GBE1: variants seen among roughly 807,000 people sequenced by gnomAD.
GBE1 encodes the protein 1,4-alpha-glucan-branching enzyme.
Under a neutral mutation model 88.8 loss-of-function variants are expected in GBE1, and 70 were observed. The observed-to-expected ratio is 0.79, with a 90% CI of 0.65 to 0.96. The LOEUF (loss-of-function observed/expected upper bound fraction) is 0.96, where lower values mean the gene tolerates loss of function less well. Ranked by LOEUF, GBE1 falls within the 40% of genes least tolerant of loss-of-function variation. The pLI is 0.00. For synonymous variants in GBE1, 284 were observed against 300.1 expected (o/e 0.95, Z 0.56); for missense variants, 872 against 871.0 (o/e 1.00, Z -0.01).
intron 11 of GBE1, among the ~76,000 whole-genome samples, chr3:81,578,364 T>C (rs913817970): frequency 1.3e-5 from 2 of 152,090 alleles, no homozygotes; most frequent in African/African-American, 4.8e-5. Context: ...ATAAGGTACC[T>C]GAATATCTGT....
chr3:81,547,635 CTCTCTCTCTCT>C (rs1307015641), intron 12 of GBE1, among the ~76,000 whole-genome samples: 2 of 76,638 alleles, frequency 2.6e-5, no homozygotes, highest in African/African-American at 1.2e-4. Context: ...TTCTCTCTCT[CTCTCTCTCTCT>C]CTCTCTCTCT....
Position 81,591,140 on chromosome 3 carries a change from C to A in GBE1, c.1133G>T (p.Ser378Ile), listed in dbSNP as rs938955105. The change falls in exon 9 of 16, where the codon AGT (serine) becomes ATT (isoleucine). Residue 378 changes from serine (S) to isoleucine (I), a missense_variant. Ser to Ile is a moderately radical substitution (Grantham distance 142). Coordinates refer to ENST00000429644, the MANE Select transcript of GBE1 (RefSeq NM_000158.4). ...GVGQGFSGDY[S>I]EYFGLQVDED... The stretch of plus-strand genomic sequence containing the variant: ...ATCTACTTGTAGTCCGAAATATTCA[C>A]TGTAATCACCTGAGAAACCTTGACC... The A allele has an allele frequency of 9.4e-6, 15 of 1,603,776 alleles. No individual in the cohort carries two copies. The highest frequency in any genetic ancestry group is 1.3e-5 in the Non-Finnish European group (15 of 1,174,332).
At chr3:81,678,255 A>C (rs1705290672) in intron 2 of GBE1, among the ~76,000 whole-genome samples, 1 of 152,184 alleles carries the variant, frequency 6.6e-6, no homozygotes, top group Non-Finnish European at 1.5e-5. Flanking sequence ...CTAAACATTA[A>C]AAAGGTGAAG....
chr3:81,564,818 T>C (rs951002762), intron 12 of GBE1, among the ~76,000 whole-genome samples: 5 of 152,164 alleles, frequency 3.3e-5, no homozygotes, highest in Admixed American at 6.6e-5. Flanking sequence ...TCTGTCTCTC[T>C]CAATCTTCAT....
intron 2 of GBE1, among the ~76,000 whole-genome samples, chr3:81,701,943 C>T (rs950253853): frequency 6.7e-6 from 1 of 148,494 alleles, no homozygotes; most frequent in Non-Finnish European, 1.5e-5. Context: ...TTTGATTATT[C>T]TAAGTACCTG....
At chr3:81,630,290 C>T (rs548104328) in intron 7 of GBE1, among the ~76,000 whole-genome samples, 90 of 152,238 alleles carry the variant, frequency 5.9e-4, no homozygotes, top group Non-Finnish European at 1.1e-3. Flanking sequence ...AATGGAAGAA[C>T]ATTCCATGCT....
At chr3:81,583,169 G>A (rs1703757318) in intron 10 of GBE1, among the ~76,000 whole-genome samples, 1 of 152,044 alleles carries the variant, frequency 6.6e-6, no homozygotes, top group Non-Finnish European at 1.5e-5. Context: ...ACCACAATGA[G>A]ATGTCACTAC....
rs546716789 is a variant in GBE1 at position 81,581,229 on chromosome 3, A to G, written c.1382T>C (p.Val461Ala). The G allele has an allele frequency of 2.5e-6, 4 of 1,606,298 alleles. No homozygotes were observed. In the East Asian group the frequency reaches 6.7e-5, roughly 27 times the overall value. The change falls in exon 11 of 16, where the codon GTA (valine) becomes GCA (alanine). Residue 461 changes from valine to alanine, a missense_variant. Val to Ala is a moderately conservative substitution (Grantham distance 64, BLOSUM62 0). Coordinates refer to ENST00000429644, the MANE Select transcript of GBE1 (RefSeq NM_000158.4). ...GTAGCGCCTGTTTGTGAGCGTGTAT[A>G]CTATATCGCCCATGTTCCAGTCTTC... is the stretch of plus-strand genomic sequence containing the variant. ...KDEDWNMGDI[V>A]YTLTNRRYLE...
intron 1 of GBE1, among the ~76,000 whole-genome samples, chr3:81,731,495 G>T (rs1269401704): frequency 6.6e-6 from 1 of 152,092 alleles, no homozygotes; most frequent in Non-Finnish European, 1.5e-5. Flanking sequence ...CTCCTTAGAT[G>T]ATAACATTTT....
intron 6 of GBE1, among the ~76,000 whole-genome samples, chr3:81,644,997 A>AG (rs774095827): frequency 1.3e-5 from 2 of 152,198 alleles, no homozygotes; most frequent in Non-Finnish European, 2.9e-5. Flanking sequence ...AGAAGATGGC[A>AG]GGGGGAGGAA....
chr3:81,736,410 C>T (rs1706258100), intron 1 of GBE1, among the ~76,000 whole-genome samples: 1 of 152,160 alleles, frequency 6.6e-6, no homozygotes. Context: ...ACATTAAATC[C>T]AGACTCCTGT....
At chr3:81,669,126 A>G (rs1212196700) in intron 3 of GBE1, among the ~76,000 whole-genome samples, 1 of 152,182 alleles carries the variant, frequency 6.6e-6, no homozygotes, top group African/African-American at 2.4e-5. Context: ...AAGCTCCACT[A>G]TGATTGGGAA....
intron 7 of GBE1, among the ~76,000 whole-genome samples, chr3:81,614,899 T>C (rs1576170640): frequency 6.6e-6 from 1 of 151,822 alleles, no homozygotes; most frequent in East Asian, 2.0e-4. Context: ...TGTGGTGGCA[T>C]GTGCCTGTGG....
At chr3:81,750,791 C>G (rs1461780477) in intron 1 of GBE1, among the ~76,000 whole-genome samples, 1 of 147,090 alleles carries the variant, frequency 6.8e-6, no homozygotes, top group African/African-American at 2.5e-5. Context: ...AGCGATTCTT[C>G]TTCCTCAGCC....
intron 7 of GBE1, among the ~76,000 whole-genome samples, chr3:81,624,964 A>G (rs1704391100): frequency 6.6e-6 from 1 of 152,080 alleles, no homozygotes; most frequent in Admixed American, 6.6e-5. Context: ...TCAGCATAGC[A>G]GGGAAAAGAG....
intron 3 of GBE1, among the ~76,000 whole-genome samples, chr3:81,660,710 C>CA (rs11387316): frequency 0.3 from 45,864 of 151,044 alleles, 7,104 homozygotes; most frequent in East Asian, 0.45. Flanking sequence ...TACTGAAGTG[C>CA]AAAAAAAACA....
intron 3 of GBE1, among the ~76,000 whole-genome samples, chr3:81,652,611 T>C (rs1238665057): frequency 6.6e-6 from 1 of 152,314 alleles, no homozygotes; most frequent in East Asian, 1.9e-4. Context: ...GATTGTTACA[T>C]AATAAATATC....
At chr3:81,556,074 G>A (rs1266751481) in intron 12 of GBE1, among the ~76,000 whole-genome samples, 3 of 152,100 alleles carry the variant, frequency 2.0e-5, no homozygotes, top group Non-Finnish European at 4.4e-5. Context: ...TTCTGTACAT[G>A]TAGATATACA....
intron 2 of GBE1, among the ~76,000 whole-genome samples, chr3:81,682,743 C>A (rs948614696): frequency 6.6e-5 from 10 of 152,124 alleles, no homozygotes; most frequent in Non-Finnish European, 1.2e-4. Flanking sequence ...CAATTCCACT[C>A]CAACCTGGAT....
Sources: gnomAD v4.1 joint callset for allele counts (sites outside exome capture counted in the v4.1 genomes callset) on GRCh38, gnomAD v4.1.1 for gene constraint, MANE v1.5 for transcripts, NCBI Gene and HGNC (gene_info 2026-07-23, HGNC 2026-07-21) for gene names.